Variants in HTR4 observed in about 807,000 individuals in gnomAD.
HTR4 encodes the protein 5-hydroxytryptamine receptor 4.
HTR4 carries 16 observed loss-of-function variants against 36.8 expected under a neutral mutation model. That is an observed-to-expected ratio of 0.43 (90% CI 0.29 to 0.66). The LOEUF is 0.66. Among genes scored for constraint, HTR4 ranks in the 30% least tolerant of loss-of-function variants. The pLI, the probability that HTR4 is intolerant of heterozygous loss-of-function variation, is 0.13. For synonymous variants in HTR4, 189 were observed against 185.1 expected (o/e 1.02, Z -0.17); for missense variants, 438 against 490.9 (o/e 0.89, Z 1.02).
At chr5:148,571,663 G>C (rs1760684193) in intron 2 of HTR4, among the ~76,000 whole-genome samples, 1 of 152,028 alleles carries the variant, frequency 6.6e-6, no homozygotes, top group Admixed American at 6.6e-5. Flanking sequence ...TGTTTCGATA[G>C]ACAAGACACA....
intron 4 of HTR4, among the ~76,000 whole-genome samples, chr5:148,548,343 T>A (rs902585153): frequency 6.6e-6 from 1 of 152,226 alleles, no homozygotes; most frequent in Non-Finnish European, 1.5e-5. Flanking sequence ...GCTTAGCTTC[T>A]TCAGAATTTT....
intron 2 of HTR4, among the ~76,000 whole-genome samples, chr5:148,586,209 G>A (rs1330043034): frequency 6.6e-6 from 1 of 152,090 alleles, no homozygotes; most frequent in Non-Finnish European, 1.5e-5. Context: ...TGCAACCAGA[G>A]CTGGTACCCA....
rs916409158 is a variant in HTR4 at position 148,654,259 on chromosome 5, G to A, written c.-245C>T. 1.0e-5 allele frequency: 10 copies of A among 985,092 alleles called. No individual in the cohort carries two copies. The highest frequency in any genetic ancestry group is 1.2e-5 in the Non-Finnish European group (10 of 829,854). 61.0% of individuals were successfully genotyped at this position (985,092 alleles called of 1,614,324 possible). A position where few individuals can be genotyped will look rare whatever the true frequency, so the allele number is the denominator to read the frequency against. On this transcript the variant is annotated 5_prime_UTR_variant, in exon 1 of 7. Coordinates refer to ENST00000377888, the MANE Select transcript of HTR4 (RefSeq NM_000870.7). ...GCGTGAGGCGCGGGCCAGGGGCTGC[G>A]GGCGCAGGACCCCAGCCCCGGATCA...
chr5:148,537,150 A>T (rs1758863623), intron 4 of HTR4, among the ~76,000 whole-genome samples: 1 of 152,228 alleles, frequency 6.6e-6, no homozygotes, highest in Non-Finnish European at 1.5e-5. Context: ...TGGGTAAGTA[A>T]TAAGATTAAG....
chr5:148,644,541 C>G (rs1202529807), intron 1 of HTR4: 1 of 145,124 alleles, frequency 6.9e-6, no homozygotes, highest in Admixed American at 7.3e-5. Context: ...TTGGCAGGTG[C>G]CAGTACACTG....
chr5:148,580,009 T>C (rs1035787972), intron 2 of HTR4, among the ~76,000 whole-genome samples: 1 of 152,098 alleles, frequency 6.6e-6, no homozygotes, highest in African/African-American at 2.4e-5. Flanking sequence ...GAGTGTTTTA[T>C]TGAATACCAA....
intron 4 of HTR4, among the ~76,000 whole-genome samples, chr5:148,538,896 CA>C (rs921611781): frequency 1.3e-5 from 2 of 151,644 alleles, no homozygotes; most frequent in East Asian, 1.9e-4. Flanking sequence ...AATATGGAAC[CA>C]AAAAAAAGCC....
intron 2 of HTR4, among the ~76,000 whole-genome samples, chr5:148,583,661 A>C (rs1467737933): frequency 6.6e-6 from 1 of 151,818 alleles, no homozygotes; most frequent in Non-Finnish European, 1.5e-5. Context: ...TATTATCATC[A>C]TTTTATATTA....
intron 4 of HTR4, among the ~76,000 whole-genome samples, chr5:148,523,901 C>T (rs1488433460): frequency 6.6e-6 from 1 of 152,164 alleles, no homozygotes; most frequent in Non-Finnish European, 1.5e-5. Flanking sequence ...GTGACCCAGG[C>T]ATAGCTCTAC....
intron 2 of HTR4, among the ~76,000 whole-genome samples, chr5:148,560,123 T>G (rs1454693577): frequency 6.6e-6 from 1 of 151,892 alleles, no homozygotes; most frequent in Non-Finnish European, 1.5e-5. Context: ...TTATATTACT[T>G]TGGGTTCTTG....
intron 1 of HTR4, among the ~76,000 whole-genome samples, chr5:148,638,013 T>C (rs1753606709): frequency 6.7e-6 from 1 of 148,506 alleles, no homozygotes; most frequent in African/African-American, 2.5e-5. Context: ...AGTTTTCTAG[T>C]TGAATCTTAC....
At chr5:148,601,909 C>T (rs553962835) in intron 2 of HTR4, among the ~76,000 whole-genome samples, 8 of 152,238 alleles carry the variant, frequency 5.3e-5, no homozygotes, top group African/African-American at 1.9e-4. Flanking sequence ...ACTGTGTGAT[C>T]TCACTTCTAT....
At chr5:148,562,564 G>A (rs953224383) in intron 2 of HTR4, among the ~76,000 whole-genome samples, 4 of 152,084 alleles carry the variant, frequency 2.6e-5, no homozygotes, top group African/African-American at 4.8e-5. Context: ...TACCCTAGGA[G>A]AGGGCTTCCT....
At chr5:148,542,125 G>A (rs1054165137) in intron 4 of HTR4, among the ~76,000 whole-genome samples, 1 of 152,110 alleles carries the variant, frequency 6.6e-6, no homozygotes, top group Non-Finnish European at 1.5e-5. Context: ...TAATTAGTAA[G>A]CACTCCATAA....
At chr5:148,614,271 A>T (rs1752567426) in intron 2 of HTR4, among the ~76,000 whole-genome samples, 1 of 151,380 alleles carries the variant, frequency 6.6e-6, no homozygotes, top group Non-Finnish European at 1.5e-5. Context: ...ACACTACCTG[A>T]CTTCAAACTA....
At chr5:148,543,207 A>G (rs1759205622) in intron 4 of HTR4, among the ~76,000 whole-genome samples, 1 of 152,214 alleles carries the variant, frequency 6.6e-6, no homozygotes. Flanking sequence ...ACCAGAGCTG[A>G]TGGACAGCAT....
downstream of HTR4, among the ~76,000 whole-genome samples, chr5:148,479,774 T>G (rs185852572): frequency 7.8e-4 from 119 of 152,340 alleles, 2 homozygotes; most frequent in East Asian, 0.022. Flanking sequence ...AGAATTAAGT[T>G]TCATGTTCTA....
At position 148,459,632 on chromosome 5, in the gene HTR4, C is replaced by T. The variant is rs560008644; in HGVS notation, c.1077-8360G>A. ...TACAAACCATTCCCCTCCCCGCATA[C>T]CTTAACACCATATGGGTAAATAGTG... is the stretch of plus-strand genomic sequence containing the variant. On this transcript the variant is annotated intron_variant, in intron 5 of 5. Coordinates refer to the HTR4 transcript ENST00000521530. Among the ~76,000 whole-genome samples the T allele has an allele frequency of 2.0e-5, 3 of 152,278 alleles. No individual in the cohort carries two copies. In the South Asian group the frequency reaches 6.2e-4, roughly 32 times the overall value.
chr5:148,515,284 GCC>G (rs1259480472), intron 5 of HTR4, among the ~76,000 whole-genome samples: 1 of 152,026 alleles, frequency 6.6e-6, no homozygotes, highest in Non-Finnish European at 1.5e-5. Flanking sequence ...AACAGCCCAT[GCC>G]CCACGCCTGC....
Sources: gnomAD v4.1 joint callset for allele counts (sites outside exome capture counted in the v4.1 genomes callset) on GRCh38, gnomAD v4.1.1 for gene constraint, MANE v1.5 for transcripts, NCBI Gene and HGNC (gene_info 2026-07-23, HGNC 2026-07-21) for gene names.